The following CHAF1A variants were observed in gnomAD, a reference collection of about 807,000 sequenced individuals.
CHAF1A encodes CAF-1 subunit A.
In CHAF1A, 5 loss-of-function variants were observed where a neutral mutation model predicts 93.2. The ratio of observed to expected loss-of-function variants is 0.05; its 90% confidence interval spans 0.03 to 0.11. The LOEUF (loss-of-function observed/expected upper bound fraction) is 0.11. CHAF1A is among the 10% of genes least tolerant of loss of function. The pLI, the probability that CHAF1A is intolerant of heterozygous loss-of-function variation, is 1.00. For synonymous variants in CHAF1A, 504 were observed against 510.3 expected (o/e 0.99, Z 0.17); for missense variants, 1,102 against 1,259.9 (o/e 0.87, Z 1.90).
chr19:4,403,682 T>G (rs1249188020), intron 1 of CHAF1A, among the ~76,000 whole-genome samples: 1 of 152,240 alleles, frequency 6.6e-6, no homozygotes, highest in African/African-American at 2.4e-5. Flanking sequence ...TCACCATGCC[T>G]TAGTAACAGC....
chr19:4,438,861 A>T (rs1301783081), intron 13 of CHAF1A, among the ~76,000 whole-genome samples: 1 of 152,188 alleles, frequency 6.6e-6, no homozygotes, highest in Non-Finnish European at 1.5e-5. Context: ...GGCTGCCTGT[A>T]GTCCCAGCTA....
intron 7 of CHAF1A, among the ~76,000 whole-genome samples, chr19:4,428,193 T>C (rs1161003257): frequency 1.3e-5 from 2 of 150,626 alleles, no homozygotes; most frequent in Admixed American, 1.3e-4. Flanking sequence ...GGTTTCACCA[T>C]GTTGGGCAGG....
downstream of CHAF1A, chr19:4,446,654 G>A (rs1479293153): frequency 3.7e-6 from 6 of 1,612,318 alleles, no homozygotes; most frequent in Non-Finnish European, 5.1e-6. Context: ...TGTTCCTTGT[G>A]CCTCTCCAGG....
downstream of CHAF1A, chr19:4,446,205 G>C: frequency 1.3e-6 from 2 of 1,598,004 alleles, no homozygotes; most frequent in Non-Finnish European, 1.7e-6. Flanking sequence ...TGCCTGGGGA[G>C]TGGGGGAGTC....
intron 5 of CHAF1A, 116 bp from the exon 6 acceptor site, chr19:4,423,219 A>C (rs1974021501): frequency 5.5e-6 from 8 of 1,445,240 alleles, no homozygotes; most frequent in Non-Finnish European, 7.4e-6. Flanking sequence ...CATGAAAATA[A>C]CTTATATTCA....
At chr19:4,404,198 C>T (rs1425004508) in intron 1 of CHAF1A, among the ~76,000 whole-genome samples, 1 of 152,098 alleles carries the variant, frequency 6.6e-6, no homozygotes, top group African/African-American at 2.4e-5. Context: ...ATTTTAGTGC[C>T]AAATAAAATT....
rs150043386 is a variant in CHAF1A at position 4,409,065 on chromosome 19, C to G, written c.266C>G (p.Pro89Arg). Residue 89 changes from proline to arginine, a missense_variant, in exon 3 of 15, where the codon CCG becomes CGG. By Grantham distance (103) the Pro-to-Arg change is moderately radical. Coordinates refer to ENST00000301280, the MANE Select transcript of CHAF1A (RefSeq NM_005483.3). ...GTGGGTTCTGACATAGACTTTAGAC[C>G]GAAACTTGTCAACGGGAAGGGTCCC... Reference protein sequence around the residue: ...CHVGSDIDFRPKLVNGKGPLD... With the variant: ...CHVGSDIDFRRKLVNGKGPLD... The G allele has an allele frequency of 1.9e-6, 3 of 1,613,968 alleles. No homozygotes were observed. The African/African-American group carries it at 4.0e-5, about 22-fold the overall frequency.
At chr19:4,448,714 T>G (rs1974594280), downstream of CHAF1A, 1 of 420,360 alleles carries the variant, frequency 2.4e-6, no homozygotes, top group Admixed American at 3.7e-5. Flanking sequence ...TGCCTCACAC[T>G]CTGGCTTTAG....
At chr19:4,446,632 G>A (rs8101961), downstream of CHAF1A, 83 of 1,612,348 alleles carry the variant, frequency 5.1e-5, no homozygotes, top group Non-Finnish European at 6.4e-5. Flanking sequence ...CACGGGCTCC[G>A]CAGCCAGCAG....
chr19:4,403,967 G>A (rs942400456), intron 1 of CHAF1A, among the ~76,000 whole-genome samples: 1 of 152,124 alleles, frequency 6.6e-6, no homozygotes, highest in Non-Finnish European at 1.5e-5. Context: ...TTACAGGCCT[G>A]CACCACCATG....
intron 13 of CHAF1A, among the ~76,000 whole-genome samples, chr19:4,441,675 G>C (rs243380): frequency 6.6e-6 from 1 of 151,644 alleles, no homozygotes; most frequent in Non-Finnish European, 1.5e-5. Flanking sequence ...GGGAGGCTGA[G>C]GCGGGCGGAT....
intron 10 of CHAF1A, chr19:4,430,176 T>G: frequency 3.1e-6 from 1 of 322,352 alleles, no homozygotes; most frequent in Non-Finnish European, 5.8e-6. Context: ...GTTCACAGCT[T>G]TACATTTTTT....
downstream of CHAF1A, chr19:4,446,149 C>T (rs770141698): frequency 6.8e-6 from 11 of 1,610,866 alleles, no homozygotes; most frequent in African/African-American, 4.0e-5. Flanking sequence ...CAGGGCCTCC[C>T]GGACGAACCC....
In CHAF1A at chr19:4,430,574, A is replaced by G; in HGVS notation, c.1880A>G (p.Asp627Gly). The G allele has an allele frequency of 6.2e-7, 1 of 1,609,394 alleles. No homozygotes were observed. Among genetic ancestry groups the G allele is most frequent in the Non-Finnish European group, 8.5e-7 (1 of 1,176,596 alleles). ...EGDDDDDMGE[D>G]EDEDDGFFVP... ...GATGATGATGACGACATGGGAGAGG[A>G]TGAAGATGAGGACGATGGTTTCTTT... The change falls in exon 11 of 15, where the codon GAT (aspartate) becomes GGT (glycine). Residue 627 changes from aspartate (D) to glycine (G), a missense_variant. By Grantham distance (94) the Asp-to-Gly change is moderately conservative. Coordinates refer to ENST00000301280, the MANE Select transcript of CHAF1A (RefSeq NM_005483.3).
At chr19:4,411,644 CTTTTTTT>C (rs66491258) in intron 3 of CHAF1A, among the ~76,000 whole-genome samples, 1 of 48,190 alleles carries the variant, frequency 2.1e-5, no homozygotes, top group African/African-American at 7.9e-5. Context: ...TGGTGCAAAT[CTTTTTTT>C]TTTTTTTTTT....
downstream of CHAF1A, chr19:4,450,000 C>A (rs893529219): frequency 6.6e-6 from 1 of 151,864 alleles, no homozygotes; most frequent in Non-Finnish European, 1.5e-5. Context: ...GAGGCCGAGG[C>A]GGTCGGATCA....
downstream of CHAF1A, chr19:4,447,792 C>T (rs757601709): frequency 1.2e-4 from 80 of 661,118 alleles, 1 homozygote; most frequent in Middle Eastern, 6.4e-3. Context: ...GTGGAAGGCA[C>T]ACCTCGGACA....
intron 3 of CHAF1A, among the ~76,000 whole-genome samples, chr19:4,415,736 C>T (rs1468702962): frequency 1.3e-5 from 2 of 152,142 alleles, no homozygotes; most frequent in East Asian, 3.9e-4. Flanking sequence ...AGCCTTCTCA[C>T]AACGGCTCGG....
rs865890191 is a variant in CHAF1A at position 4,404,318 on chromosome 19, C to A, written c.52+1504C>A. Among the ~76,000 whole-genome samples the A allele has an allele frequency of 3.9e-5, 6 of 152,258 alleles. 1 individual carries two copies. The highest frequency in any genetic ancestry group is 3.9e-4 in the Admixed American group (6 of 15,288). On this transcript the variant is annotated intron_variant, in intron 1 of 14. Transcript: ENST00000301280. ...GATTGGGAGTGTCCCGTTTTATATA[C>A]AAGATTTTTTAATGAGGGTGGGTCC... is the stretch of plus-strand genomic sequence containing the variant.
Sources: gnomAD v4.1 joint callset for allele counts (sites outside exome capture counted in the v4.1 genomes callset) on GRCh38, gnomAD v4.1.1 for gene constraint, MANE v1.5 for transcripts, NCBI Gene and HGNC (gene_info 2026-07-23, HGNC 2026-07-21) for gene names.